The following TEX9 variants were observed in gnomAD, a reference collection of about 807,000 sequenced individuals.
TEX9 encodes the protein testis expressed 9.
In TEX9, 74 loss-of-function variants were observed where a neutral mutation model predicts 59.6. That is an observed-to-expected ratio of 1.24 (90% confidence interval 1.03 to 1.51). The LOEUF (loss-of-function observed/expected upper bound fraction) is 1.51, where lower values mean the gene tolerates loss of function less well. Among genes scored for constraint, TEX9 ranks in the 40% most tolerant of loss-of-function variants. The pLI, the probability that TEX9 is intolerant of heterozygous loss-of-function variation, is 0.00. For synonymous variants in TEX9, 186 were observed against 152.2 expected (o/e 1.22, Z -1.64); for missense variants, 522 against 447.8 (o/e 1.17, Z -1.49).
At chr15:56,278,165 A>T (rs377111567) in intron 1 of TEX9, among the ~76,000 whole-genome samples, 1 of 152,168 alleles carries the variant, frequency 6.6e-6, no homozygotes, top group East Asian at 1.9e-4. Flanking sequence ...ATCTCCTTGT[A>T]TGATAAACAT....
chr15:56,393,370 A>G (rs902946254), intron 7 of TEX9, among the ~76,000 whole-genome samples: 13 of 152,144 alleles, frequency 8.5e-5, no homozygotes, highest in African/African-American at 3.1e-4. Context: ...AAAAGCTGGA[A>G]GTGTGTATGG....
intron 1 of TEX9, among the ~76,000 whole-genome samples, chr15:56,327,720 C>A (rs1319671766): frequency 6.6e-6 from 1 of 152,144 alleles, no homozygotes. Flanking sequence ...GATTGCAGAA[C>A]TTTGCATTGG....
intron 12 of TEX9, chr15:56,434,207 C>T (rs776831756): frequency 6.2e-7 from 1 of 1,613,848 alleles, no homozygotes; most frequent in Admixed American, 1.7e-5. Flanking sequence ...GTTCCAGCTG[C>T]TTCATTCTTT....
At chr15:56,399,078 A>T (rs2142411257) in intron 9 of TEX9, among the ~76,000 whole-genome samples, 2 of 152,260 alleles carry the variant, frequency 1.3e-5, no homozygotes, top group South Asian at 4.1e-4. Context: ...TTTCCAACTG[A>T]GGTACCTGGT....
chr15:56,460,009 A>AAAAAAAAAAAATATAT, the TEX9 span, among the ~76,000 whole-genome samples: 55 of 26,370 alleles, frequency 2.1e-3, 11 homozygotes, highest in East Asian at 8.0e-3. Flanking sequence ...AAAAAAAAAA[A>AAAAAAAAAAAATATAT]ATACATATAT....
chr15:56,382,250 C>T (rs2047765326), intron 3 of TEX9, among the ~76,000 whole-genome samples: 1 of 152,118 alleles, frequency 6.6e-6, no homozygotes, highest in African/African-American at 2.4e-5. Context: ...ACTCACCCTT[C>T]AAGGGAGTGG....
chr15:56,285,552 C>A (rs2044933446), intron 1 of TEX9, among the ~76,000 whole-genome samples: 1 of 152,174 alleles, frequency 6.6e-6, no homozygotes, highest in African/African-American at 2.4e-5. Flanking sequence ...AATGACAGAG[C>A]CTTCAGGCCA....
chr15:56,345,581 C>T (rs777595974), intron 1 of TEX9, among the ~76,000 whole-genome samples: 4 of 152,180 alleles, frequency 2.6e-5, no homozygotes, highest in African/African-American at 4.8e-5. Flanking sequence ...TGTGCCACTG[C>T]GCCCAGCTTC....
At chr15:56,401,954 C>G (rs1259341095) in intron 9 of TEX9, among the ~76,000 whole-genome samples, 1 of 152,154 alleles carries the variant, frequency 6.6e-6, no homozygotes, top group African/African-American at 2.4e-5. Context: ...ACACAACATA[C>G]CAGAATCTCT....
chr15:56,339,382 C>CAAA (rs1567091301), intron 1 of TEX9, among the ~76,000 whole-genome samples: 2 of 2,830 alleles, frequency 7.1e-4, no homozygotes, highest in Non-Finnish European at 1.4e-3. Flanking sequence ...GACTCCTTCT[C>CAAA]CAAAAAAAAA....
rs189259855 is a variant in TEX9, at chr15:56,269,294, G to T, written c.-107+25016G>T. Among the ~76,000 whole-genome samples the T allele has an allele frequency of 8.1e-3, 1,237 of 152,108 alleles. 13 individuals are homozygous for T. The highest frequency in any genetic ancestry group is 0.025 in the African/African-American group (1,042 of 41,472). On this transcript the variant is annotated intron_variant, in intron 1 of 5. Transcript: ENST00000560827. ...CAGCTCCTGGATTCATTGATTTTTT[G>T]AAGGGTTTTTTCGTGTCTCTATTTC...
intron 1 of TEX9, among the ~76,000 whole-genome samples, chr15:56,246,934 A>G (rs2043872054): frequency 6.6e-6 from 1 of 152,216 alleles, no homozygotes; most frequent in South Asian, 2.1e-4. Flanking sequence ...GAAAAGTTAT[A>G]GGTAAACCAG....
intron 4 of TEX9, among the ~76,000 whole-genome samples, chr15:56,387,261 A>G (rs1369302886): frequency 6.6e-6 from 1 of 151,946 alleles, no homozygotes; most frequent in African/African-American, 2.4e-5. Flanking sequence ...TTTGGCTGAT[A>G]TGTATGCATG....
intron 1 of TEX9, among the ~76,000 whole-genome samples, chr15:56,285,166 T>G (rs1372024606): frequency 6.6e-6 from 1 of 152,152 alleles, no homozygotes; most frequent in African/African-American, 2.4e-5. Flanking sequence ...CCTCTAGAAT[T>G]TTCGTTAGTG....
chr15:56,398,410 T>G (rs112801218), intron 9 of TEX9: 21 of 152,332 alleles, frequency 1.4e-4, no homozygotes, highest in African/African-American at 3.8e-4. Flanking sequence ...TTTCTATTGG[T>G]CTAAGAAATA....
chr15:56,275,935 A>G (rs2044657732), intron 1 of TEX9, among the ~76,000 whole-genome samples: 1 of 152,004 alleles, frequency 6.6e-6, no homozygotes, highest in East Asian at 1.9e-4. Flanking sequence ...TGGCAGTTAT[A>G]TTTTCCTTTA....
chr15:56,296,186 T>C (rs1596071462), intron 1 of TEX9, among the ~76,000 whole-genome samples: 1 of 152,244 alleles, frequency 6.6e-6, no homozygotes, highest in Non-Finnish European at 1.5e-5. Context: ...CCCAGTATTA[T>C]ATCTTTTTTA....
At chr15:56,363,295 C>G (rs1020608842), upstream of TEX9, among the ~76,000 whole-genome samples, 4 of 149,952 alleles carry the variant, frequency 2.7e-5, no homozygotes, top group Non-Finnish European at 5.9e-5. Context: ...GATGGAGTCT[C>G]CCTCTGTCAC....
At chr15:56,459,005 A>G in the TEX9 span, among the ~76,000 whole-genome samples, 1 of 152,242 alleles carries the variant, frequency 6.6e-6, no homozygotes. Flanking sequence ...CACACTATAT[A>G]TAGCACATCT....
Sources: gnomAD v4.1 joint callset for allele counts (sites outside exome capture counted in the v4.1 genomes callset) on GRCh38, gnomAD v4.1.1 for gene constraint, MANE v1.5 for transcripts, NCBI Gene and HGNC (gene_info 2026-07-23, HGNC 2026-07-21) for gene names.